LDLRAD4: variants seen among roughly 807,000 people sequenced by gnomAD.
LDLRAD4 encodes low-density lipoprotein receptor class A domain-containing protein 4.
Under a neutral mutation model 17.0 loss-of-function variants are expected in LDLRAD4, and 5 were observed. The observed-to-expected ratio is 0.29, with a 90% confidence interval of 0.15 to 0.62. The LOEUF (loss-of-function observed/expected upper bound fraction) is 0.62. Ranked by LOEUF, LDLRAD4 falls within the 20% of genes least tolerant of loss-of-function variation. The probability of loss-of-function intolerance (pLI) is 0.84; values close to 1 mark genes in which losing one functional copy is unlikely to be tolerated. For missense variants in LDLRAD4, 340 were observed against 424.7 expected, an observed-to-expected ratio of 0.80 and a Z score of 1.75; for synonymous variants, 168 against 171.8, an observed-to-expected ratio of 0.98 and a Z score of 0.17.
At chr18:13,232,555 T>C (rs2042133080) in intron 1 of LDLRAD4, among the ~76,000 whole-genome samples, 1 of 151,796 alleles carries the variant, frequency 6.6e-6, no homozygotes, top group South Asian at 2.1e-4. Flanking sequence ...CGTGGCCTTG[T>C]CCGGGGGCTG....
intron 3 of LDLRAD4, among the ~76,000 whole-genome samples, chr18:13,531,033 T>C (rs999868469): frequency 2.6e-5 from 4 of 152,198 alleles, no homozygotes; most frequent in Non-Finnish European, 4.4e-5. Context: ...CTGACCACAC[T>C]GTGCCACCTG....
At chr18:13,514,643 ATATT>A (rs1298435523) in intron 3 of LDLRAD4, 2 of 152,208 alleles carry the variant, frequency 1.3e-5, no homozygotes, top group African/African-American at 4.8e-5. Flanking sequence ...GTCTATGTGT[ATATT>A]TATTTAAAGA....
At chr18:13,399,186 G>A (rs1219378014) in intron 2 of LDLRAD4, among the ~76,000 whole-genome samples, 1 of 151,878 alleles carries the variant, frequency 6.6e-6, no homozygotes, top group South Asian at 2.1e-4. Context: ...GACAGAGTGA[G>A]ACCTTGTCTC....
chr18:13,368,362 G>T, intron 1 of LDLRAD4, among the ~76,000 whole-genome samples: 1 of 152,160 alleles, frequency 6.6e-6, no homozygotes, highest in East Asian at 1.9e-4. Flanking sequence ...GAGCAGGCGT[G>T]GGCTCAGCAC....
chr18:13,242,216 A>G lies in LDLRAD4; in HGVS notation c.-467+23228A>G, dbSNP rs909922067. 3.3e-5 allele frequency: 5 copies of G among 152,388 alleles called. 1 individual carries two copies. Among genetic ancestry groups the G allele is most frequent in the South Asian group, 2.1e-4 (1 of 4,830 alleles). The allele number at this position is 152,388 out of a possible 1,614,324, so 9.4% of individuals were successfully genotyped here. ...TGGAATCGCTTGTTTTCACGTCTGC[A>G]GGAAATTCATCAAAACAATTTTGTC... On this transcript the variant is annotated intron_variant, in intron 1 of 5. Coordinates refer to the LDLRAD4 transcript ENST00000399848.
chr18:13,304,200 C>G (rs2046777093), intron 1 of LDLRAD4, among the ~76,000 whole-genome samples: 1 of 152,224 alleles, frequency 6.6e-6, no homozygotes, highest in Non-Finnish European at 1.5e-5. Flanking sequence ...GGATGTTGCA[C>G]AGGAGTTGGA....
At position 13,367,640 on chromosome 18, in the gene LDLRAD4, G is replaced by A. The variant is rs571977308; in HGVS notation, c.-382-19701G>A. ...GGTGGGCAAGCAGCTGCAGGGCCAG[G>A]TAGCCCCATCTGCTGTCAAGGAGTG... is the stretch of plus-strand genomic sequence containing the variant. On this transcript the variant is annotated intron_variant, in intron 1 of 5. Coordinates refer to ENST00000359446, the Ensembl canonical transcript of LDLRAD4. This position sits in a 1 kb window ranked among gnomAD's most constrained non-coding sequence, Gnocchi z 4.1. Among the ~76,000 whole-genome samples the A allele has an allele frequency of 2.8e-4, 42 of 152,334 alleles. No individual in the cohort carries two copies. Among genetic ancestry groups the A allele is most frequent in the African/African-American group, 9.6e-4 (40 of 41,584 alleles).
intron 1 of LDLRAD4, among the ~76,000 whole-genome samples, chr18:13,362,027 G>C (rs181600284): frequency 1.3e-5 from 2 of 152,148 alleles, no homozygotes; most frequent in African/African-American, 4.8e-5. Flanking sequence ...ATGAAGGTTT[G>C]ATAGGAGCGT....
At chr18:13,612,652 G>A in intron 3 of LDLRAD4, 1 of 1,612,570 alleles carries the variant, frequency 6.2e-7, no homozygotes, top group Non-Finnish European at 8.5e-7. Context: ...GGGATGCTTT[G>A]AACGTGGGGG....
chr18:13,589,967 G>A (rs1408405133), intron 3 of LDLRAD4, among the ~76,000 whole-genome samples: 1 of 152,102 alleles, frequency 6.6e-6, no homozygotes, highest in Non-Finnish European at 1.5e-5. Flanking sequence ...GTGCGAGTGG[G>A]TGTGCATGTG....
chr18:13,650,560 T>G (rs1256044687), exon 6 of LDLRAD4: 2 of 395,162 alleles, frequency 5.1e-6, no homozygotes, highest in African/African-American at 4.1e-5. Context: ...CCTCCTGCAC[T>G]TGATGCTCCC....
At chr18:13,396,451 G>T (rs995862767) in intron 2 of LDLRAD4, among the ~76,000 whole-genome samples, 1 of 152,196 alleles carries the variant, frequency 6.6e-6, no homozygotes, top group African/African-American at 2.4e-5. Context: ...TAAATGTTGT[G>T]TAAATAGTTG....
chr18:13,233,345 C>A (rs1018922368), intron 1 of LDLRAD4, among the ~76,000 whole-genome samples: 2 of 152,200 alleles, frequency 1.3e-5, no homozygotes, highest in Non-Finnish European at 2.9e-5. Flanking sequence ...CTGGCTTGCT[C>A]TTGGGTTGGC....
chr18:13,296,339 C>T (rs1225109477), intron 1 of LDLRAD4, among the ~76,000 whole-genome samples: 3 of 152,142 alleles, frequency 2.0e-5, no homozygotes, highest in Non-Finnish European at 2.9e-5. Flanking sequence ...TACCACAGAC[C>T]GGGTGACTTA....
At chr18:13,325,647 C>G (rs1004890623) in intron 1 of LDLRAD4, among the ~76,000 whole-genome samples, 1 of 152,248 alleles carries the variant, frequency 6.6e-6, no homozygotes, top group East Asian at 1.9e-4. Flanking sequence ...CAGGCCGATC[C>G]CGGCACTCAG....
chr18:13,626,600 A>T (rs1263088729), intron 4 of LDLRAD4, among the ~76,000 whole-genome samples: 1 of 152,256 alleles, frequency 6.6e-6, no homozygotes, highest in East Asian at 1.9e-4. Flanking sequence ...ATTTCAATTT[A>T]AAAAATTAAC....
chr18:13,604,320 C>T (rs543490845), intron 3 of LDLRAD4, among the ~76,000 whole-genome samples: 50 of 152,308 alleles, frequency 3.3e-4, no homozygotes, highest in African/African-American at 1.1e-3. Flanking sequence ...CCGCTTAGGA[C>T]GGGTGCAGGC....
intron 1 of LDLRAD4, among the ~76,000 whole-genome samples, chr18:13,285,697 T>C (rs886543576): frequency 2.0e-5 from 3 of 152,124 alleles, no homozygotes; most frequent in Non-Finnish European, 2.9e-5. Flanking sequence ...TTGCTGGGGC[T>C]GTCCACATTT....
chr18:13,394,254 C>T (rs1255459335), intron 2 of LDLRAD4, among the ~76,000 whole-genome samples: 1 of 152,140 alleles, frequency 6.6e-6, no homozygotes, highest in African/African-American at 2.4e-5. Context: ...AAGCACCAAA[C>T]TCTTCTCCAT....
Sources: gnomAD v4.1 joint callset for allele counts (sites outside exome capture counted in the v4.1 genomes callset) on GRCh38, gnomAD v4.1.1 for gene constraint, Gnocchi (gnomAD v3.1) non-coding constraint, MANE v1.5 for transcripts, NCBI Gene and HGNC (gene_info 2026-07-23, HGNC 2026-07-21) for gene names.